Variants in ARFGEF3 observed in about 807,000 individuals in gnomAD.
ARFGEF3 encodes the protein ARFGEF family member 3, also known as brefeldin A-inhibited guanine nucleotide-exchange protein 3.
ARFGEF3 carries 96 observed loss-of-function variants against 221.7 expected under a neutral mutation model. The ratio of observed to expected loss-of-function variants is 0.43; its 90% CI spans 0.37 to 0.51. The LOEUF (loss-of-function observed/expected upper bound fraction) is 0.51. Among genes scored for constraint, ARFGEF3 ranks in the 20% least tolerant of loss-of-function variants. The pLI, the probability that ARFGEF3 is intolerant of heterozygous loss-of-function variation, is 0.00. For synonymous variants in ARFGEF3, 1,145 were observed against 1,126.8 expected (o/e 1.02, Z -0.32); for missense variants, 2,410 against 2,789.9 (o/e 0.86, Z 3.07).
intron 15 of ARFGEF3, among the ~76,000 whole-genome samples, chr6:138,286,449 C>CAAAAAAAAAAAAA (rs960871572): frequency 1.8e-5 from 1 of 56,542 alleles, no homozygotes; most frequent in Non-Finnish European, 3.7e-5. Context: ...GACTCCGTCT[C>CAAAAAAAAAAAAA]AAAAAAAAAA....
chr6:138,286,449 CAAAAAAAA>C (rs960871572), intron 15 of ARFGEF3, among the ~76,000 whole-genome samples: 4 of 56,550 alleles, frequency 7.1e-5, no homozygotes, highest in Admixed American at 3.8e-4. Context: ...GACTCCGTCT[CAAAAAAAA>C]AAAAAAAAAG....
At chr6:138,290,977 C>T (rs754373880) in intron 18 of ARFGEF3, among the ~76,000 whole-genome samples, 16 of 152,230 alleles carry the variant, frequency 1.1e-4, no homozygotes, top group Admixed American at 3.9e-4. Context: ...ACACAAGCAG[C>T]GGGTAAGGGA....
At chr6:138,306,953 TAAA>T (rs71773390) in intron 22 of ARFGEF3, among the ~76,000 whole-genome samples, 53 of 113,708 alleles carry the variant, frequency 4.7e-4, no homozygotes, top group African/African-American at 1.5e-3. Context: ...TAAGGAACTC[TAAA>T]AAAAAAAAAA....
intron 1 of ARFGEF3, among the ~76,000 whole-genome samples, chr6:138,168,456 T>C (rs1340431440): frequency 6.6e-6 from 1 of 152,188 alleles, no homozygotes; most frequent in Non-Finnish European, 1.5e-5. Flanking sequence ...ATGAAAGTCC[T>C]TGTTGGGCTC....
chr6:138,238,525 A>G lies in ARFGEF3; in HGVS notation c.437A>G (p.Tyr146Cys), dbSNP rs781125745. Residue 146 changes from tyrosine to cysteine, a missense_variant, in exon 6 of 34, where the codon TAC (tyrosine) becomes TGC (cysteine). Tyr to Cys is a radical substitution (Grantham distance 194). Around this residue, in one of 5 missense-constraint regions of ARFGEF3, gnomAD observed 570 missense variants for 586.9 expected, o/e 0.97. Transcript: ENST00000251691. ...LKIAEVCIET[Y>C]ISSCHQRSIN... ...CTTTAACAGGTGTGCATTGAGACGT[A>G]CATAAGCAGCTGTCACCAGCGTAGC... 6.2e-7 allele frequency: 1 copy of G among 1,613,840 alleles called. No individual in the cohort carries two copies.
At chr6:138,290,049 G>A in intron 18 of ARFGEF3, 81 bp downstream of exon 18, 1 of 1,412,988 alleles carries the variant, frequency 7.1e-7, no homozygotes, top group Non-Finnish European at 9.6e-7. Flanking sequence ...GTGGAGAGGG[G>A]TGGCCTTAAG....
At chr6:138,285,383 G>A (rs1321695122) in intron 14 of ARFGEF3, among the ~76,000 whole-genome samples, 2 of 151,410 alleles carry the variant, frequency 1.3e-5, no homozygotes, top group South Asian at 2.1e-4. Flanking sequence ...CCCAGGAGGC[G>A]GAACTTGCAG....
At chr6:138,322,457 C>T (rs1178105175) in intron 29 of ARFGEF3, among the ~76,000 whole-genome samples, 1 of 152,140 alleles carries the variant, frequency 6.6e-6, no homozygotes, top group Non-Finnish European at 1.5e-5. Flanking sequence ...CAAACTGTAT[C>T]AGTGTCCATC....
chr6:138,296,931 C>G lies in ARFGEF3; in HGVS notation c.3624C>G (p.Ser1208Arg). 6.2e-7 allele frequency: 1 copy of G among 1,613,414 alleles called. No individual in the cohort carries two copies. The highest frequency in any genetic ancestry group is 8.5e-7 in the Non-Finnish European group (1 of 1,179,684). ...TGCTCCACGTGATGCGCTGCTGGAG[C>G]CTTGTGGCCCCACACCTGGTGGAGG... Reference protein sequence around the residue: ...RPLLHVMRCWSLVAPHLVEAA... With the variant: ...RPLLHVMRCWRLVAPHLVEAA... Residue 1208 changes from serine to arginine, a missense_variant, in exon 21 of 34, where the codon AGC becomes AGG. Ser to Arg is a moderately radical substitution (Grantham distance 110). This residue lies in a region of ARFGEF3 where 723 missense variants were observed against 991.9 expected (regional missense o/e 0.73). Coordinates refer to ENST00000251691, the MANE Select transcript of ARFGEF3 (RefSeq NM_020340.5).
intron 26 of ARFGEF3, among the ~76,000 whole-genome samples, chr6:138,315,994 A>G (rs1359648266): frequency 1.3e-5 from 2 of 152,222 alleles, no homozygotes; most frequent in Admixed American, 6.5e-5. Flanking sequence ...AGATAAGAAC[A>G]ATTTTTACTT....
Position 138,341,438 on chromosome 6 carries a change from AGAAG to A in ARFGEF3, c.*4956_*4959del, listed in dbSNP as rs2114711471. On this transcript the variant is annotated 3_prime_UTR_variant, in exon 34 of 34. Transcript: ENST00000251691. ...TTGTTTTACAGACAAGGTAACAGGCAGAAGGAAAATCCAGAGTCTTGCAGTAAGC... is the reference window on the plus strand; with the variant it reads ...TTGTTTTACAGACAAGGTAACAGGCAGAAAATCCAGAGTCTTGCAGTAAGC... The A allele has an allele frequency of 6.5e-6, 1 of 154,904 alleles. No individual in the cohort carries two copies. The highest frequency in any genetic ancestry group is 1.9e-4 in the East Asian group (1 of 5,204). 9.6% of individuals were successfully genotyped at this position (154,904 alleles called of 1,614,324 possible). A position where few individuals can be genotyped will look rare whatever the true frequency, so the allele number is the denominator to read the frequency against.
rs183398280 is a variant in ARFGEF3, at chr6:138,180,751, T to C, written c.137+10038T>C. 2.0e-5 allele frequency among the ~76,000 whole-genome samples: 3 copies of C among 152,302 alleles called. No homozygotes were observed. In the East Asian group the frequency reaches 5.8e-4, roughly 29 times the overall value. ...CTGGGCTCAGTGGGAACCTTGTAAG[T>C]GAGCAAGGGCTTGTTCTAGAGGAGA... On this transcript the variant is annotated intron_variant, in intron 2 of 33. Transcript: ENST00000251691.
intron 8 of ARFGEF3, among the ~76,000 whole-genome samples, chr6:138,248,065 C>T (rs1226171821): frequency 6.6e-6 from 1 of 152,188 alleles, no homozygotes. Flanking sequence ...AGGCGCAATT[C>T]TAGCACTGGG....
At chr6:138,286,095 C>CAGTGT in intron 15 of ARFGEF3, 42 bp downstream of exon 15, 1 of 1,065,736 alleles carries the variant, frequency 9.4e-7, no homozygotes, top group Non-Finnish European at 1.4e-6. Context: ...CCATACACTG[C>CAGTGT]ATGTGTTACC....
chr6:138,262,909 G>A lies in ARFGEF3; in HGVS notation c.1426G>A (p.Glu476Lys), dbSNP rs931114378. The change falls in exon 12 of 34, where the codon GAG becomes AAG. Residue 476 changes from glutamate to lysine, a missense_variant. Around this residue, in one of 5 missense-constraint regions of ARFGEF3, gnomAD observed 594 missense variants for 734.3 expected, o/e 0.81. Coordinates refer to ENST00000251691, the MANE Select transcript of ARFGEF3 (RefSeq NM_020340.5). Reference sequence around the variant, plus strand: ...GAGCCGAGATTCCATGGAGATCAATGAGGCTGACTTCCGCTGGCAGCGGCG... The same window carrying A: ...GAGCCGAGATTCCATGGAGATCAATAAGGCTGACTTCCGCTGGCAGCGGCG... The part of the protein sequence containing the change: ...EWSRDSMEIN[E>K]ADFRWQRRVL... 1 of 1,612,072 alleles carries A rather than the reference G, an allele frequency of 6.2e-7. No individual in the cohort carries two copies. Among genetic ancestry groups the A allele is most frequent in the Non-Finnish European group, 8.5e-7 (1 of 1,178,972 alleles).
In ARFGEF3 at chr6:138,280,210, C is replaced by T. The variant is rs376188692; in HGVS notation, c.2461+46C>T. 6.2e-5 allele frequency: 99 copies of T among 1,586,002 alleles called. No individual in the cohort carries two copies. In the Middle Eastern group the frequency reaches 6.7e-4, roughly 11 times the overall value. ...CCTTGGGGCACGTGGTAGGGTGGGA[C>T]GGCTCACGCTTTAAAGCCTCTTTCA... On this transcript the variant is annotated intron_variant, in intron 14 of 33. Transcript: ENST00000251691.
intron 19 of ARFGEF3, among the ~76,000 whole-genome samples, chr6:138,292,412 A>G (rs2114637778): frequency 6.6e-6 from 1 of 152,262 alleles, no homozygotes; most frequent in South Asian, 2.1e-4. Context: ...TAGTAACTTG[A>G]TGCACCTGGA....
intron 4 of ARFGEF3, chr6:138,217,924 TAGC>T: frequency 6.5e-7 from 1 of 1,527,068 alleles, no homozygotes; most frequent in Non-Finnish European, 8.8e-7. Flanking sequence ...CAGTCATTGG[TAGC>T]AGAATTGCCT....
intron 27 of ARFGEF3, among the ~76,000 whole-genome samples, chr6:138,319,193 C>T (rs1025238267): frequency 6.7e-6 from 1 of 149,108 alleles, no homozygotes; most frequent in African/African-American, 2.5e-5. Context: ...CTTAATTAAG[C>T]AATCCTCACG....
Sources: gnomAD v4.1 joint callset for allele counts (sites outside exome capture counted in the v4.1 genomes callset) on GRCh38, gnomAD v4.1.1 for gene constraint, gnomAD v4.1.1 regional missense constraint, MANE v1.5 for transcripts, NCBI Gene and HGNC (gene_info 2026-07-23, HGNC 2026-07-21) for gene names.